Variants in FRMD6 observed in about 807,000 individuals in gnomAD.
FRMD6 encodes FERM domain containing 6.
In FRMD6, 37 loss-of-function variants were observed where a neutral mutation model predicts 73.2. The observed-to-expected ratio is 0.51, with a 90% CI of 0.39 to 0.66. The LOEUF (loss-of-function observed/expected upper bound fraction) is 0.66. FRMD6 is among the 30% of genes least tolerant of loss of function. The pLI is 0.00. For missense variants in FRMD6, 714 were observed against 780.5 expected (o/e 0.91, Z 1.02); for synonymous variants, 273 against 282.2 (o/e 0.97, Z 0.33).
At chr14:51,594,485 C>T (rs1006593260) in intron 2 of FRMD6, among the ~76,000 whole-genome samples, 7 of 152,218 alleles carry the variant, frequency 4.6e-5, no homozygotes, top group African/African-American at 9.6e-5. Flanking sequence ...TGTGCCACCA[C>T]GCCCGGCTAA....
At chr14:51,603,436 AT>A (rs548150144) in intron 2 of FRMD6, among the ~76,000 whole-genome samples, 21 of 150,616 alleles carry the variant, frequency 1.4e-4, no homozygotes, top group African/African-American at 3.9e-4. Context: ...ATTGCAAGTG[AT>A]TTTTTTTTTC....
intron 1 of FRMD6, among the ~76,000 whole-genome samples, chr14:51,563,125 C>G (rs138058618): frequency 2.6e-5 from 4 of 152,312 alleles, no homozygotes; most frequent in Non-Finnish European, 4.4e-5. Flanking sequence ...ACTTCTTCCA[C>G]GGTGACTAGC....
chr14:51,622,337 A>G (rs1195229133), intron 2 of FRMD6, among the ~76,000 whole-genome samples: 1 of 152,136 alleles, frequency 6.6e-6, no homozygotes, highest in Non-Finnish European at 1.5e-5. Flanking sequence ...TTGCATATAT[A>G]ATTTGCACGA....
chr14:51,501,497 C>A (rs1404560372), intron 1 of FRMD6, among the ~76,000 whole-genome samples: 1 of 152,088 alleles, frequency 6.6e-6, no homozygotes, highest in Non-Finnish European at 1.5e-5. Context: ...TGTTAGTTTG[C>A]TGAGGATAAT....
chr14:51,658,054 G>A (rs778410468), intron 1 of FRMD6, among the ~76,000 whole-genome samples: 1 of 152,196 alleles, frequency 6.6e-6, no homozygotes, highest in Non-Finnish European at 1.5e-5. Flanking sequence ...GCTACCAACT[G>A]TAGCTGTGCA....
chr14:51,475,246 T>G, the FRMD6 span, among the ~76,000 whole-genome samples: 42 of 152,348 alleles, frequency 2.8e-4, no homozygotes, highest in African/African-American at 8.4e-4. Context: ...TACAAATTGA[T>G]TTACATTAAC....
intron 1 of FRMD6, among the ~76,000 whole-genome samples, chr14:51,567,113 G>A (rs531526812): frequency 4.6e-5 from 7 of 152,280 alleles, no homozygotes; most frequent in South Asian, 2.1e-4. Context: ...ACTCAGCTCC[G>A]GTTCATGCAG....
chr14:51,457,138 T>G, the FRMD6 span, among the ~76,000 whole-genome samples: 1 of 152,216 alleles, frequency 6.6e-6, no homozygotes, highest in Non-Finnish European at 1.5e-5. Flanking sequence ...ATTTAGAATA[T>G]TCTCACCACA....
chr14:51,717,188 C>G (rs2140582845), intron 10 of FRMD6: 1 of 152,262 alleles, frequency 6.6e-6, no homozygotes, highest in East Asian at 1.9e-4. Flanking sequence ...TTGTTTTGTG[C>G]TGCTGTAACA....
At chr14:51,541,342 A>T (rs1400336436) in intron 1 of FRMD6, among the ~76,000 whole-genome samples, 1 of 152,132 alleles carries the variant, frequency 6.6e-6, no homozygotes, top group African/African-American at 2.4e-5. Flanking sequence ...ATAAATATTC[A>T]CTGAGCATTG....
intron 2 of FRMD6, among the ~76,000 whole-genome samples, chr14:51,697,837 T>C (rs1392450387): frequency 1.3e-5 from 2 of 152,174 alleles, no homozygotes; most frequent in Non-Finnish European, 2.9e-5. Context: ...CTGAGTAGGC[T>C]ATGCTGCTTA....
chr14:51,672,853 T>G (rs777637358), intron 1 of FRMD6, among the ~76,000 whole-genome samples: 2 of 152,168 alleles, frequency 1.3e-5, no homozygotes, highest in Admixed American at 1.3e-4. Flanking sequence ...TGGGCTTCAT[T>G]CTAGAAGGAT....
chr14:51,629,274 T>G (rs1334572281), intron 2 of FRMD6, among the ~76,000 whole-genome samples: 1 of 152,216 alleles, frequency 6.6e-6, no homozygotes, highest in African/African-American at 2.4e-5. Context: ...GAACAGTCCA[T>G]GCACCAATTG....
In FRMD6 at chr14:51,587,910, A is replaced by G. The variant is rs993599362; in HGVS notation, c.-147+17500A>G. On this transcript the variant is annotated intron_variant, in intron 2 of 14. Coordinates refer to the FRMD6 transcript ENST00000356218. The stretch of plus-strand genomic sequence containing the variant: ...TTCTGTGCATTCAATAGAACAAGAA[A>G]AAGTTTAGGGTTACAGCACGATGGA... Among the ~76,000 whole-genome samples the G allele has an allele frequency of 6.6e-5, 10 of 152,088 alleles. No homozygotes were observed. In the East Asian group the frequency reaches 1.7e-3, roughly 26 times the overall value.
At chr14:51,577,365 C>T (rs1448158782) in intron 2 of FRMD6, among the ~76,000 whole-genome samples, 1 of 152,058 alleles carries the variant, frequency 6.6e-6, no homozygotes, top group Non-Finnish European at 1.5e-5. Context: ...TCCATTCAAC[C>T]GTGTTTCATC....
intron 1 of FRMD6, among the ~76,000 whole-genome samples, chr14:51,665,065 C>G (rs951377733): frequency 6.6e-6 from 1 of 152,192 alleles, no homozygotes; most frequent in Admixed American, 6.5e-5. Context: ...CCCAGAGTTG[C>G]AAGCCTGTGG....
chr14:51,544,744 T>C (rs1161809141), intron 1 of FRMD6, among the ~76,000 whole-genome samples: 1 of 151,934 alleles, frequency 6.6e-6, no homozygotes, highest in Non-Finnish European at 1.5e-5. Context: ...AAACAATATA[T>C]GCAAAATCCT....
At chr14:51,580,231 C>T (rs1036443476) in intron 2 of FRMD6, among the ~76,000 whole-genome samples, 31 of 152,226 alleles carry the variant, frequency 2.0e-4, no homozygotes, top group African/African-American at 7.2e-4. Flanking sequence ...AATGTGGACA[C>T]CTGCCCTGCT....
chr14:51,548,039 T>C (rs1315693174), intron 1 of FRMD6, among the ~76,000 whole-genome samples: 3 of 152,144 alleles, frequency 2.0e-5, no homozygotes, highest in Non-Finnish European at 4.4e-5. Context: ...TACTAAGAAA[T>C]ACAATGTGTG....
Sources: gnomAD v4.1 joint callset for allele counts (sites outside exome capture counted in the v4.1 genomes callset) on GRCh38, gnomAD v4.1.1 for gene constraint, MANE v1.5 for transcripts, NCBI Gene and HGNC (gene_info 2026-07-23, HGNC 2026-07-21) for gene names.